Variants in PDK1 observed in about 807,000 individuals in gnomAD.
The protein encoded by PDK1 is [Pyruvate dehydrogenase (acetyl-transferring)] kinase isozyme 1, mitochondrial.
In PDK1, 39 loss-of-function variants were observed where a neutral mutation model predicts 54.2. That is an observed-to-expected ratio of 0.72 (90% CI 0.56 to 0.94). The LOEUF (loss-of-function observed/expected upper bound fraction) is 0.94. Ranked by LOEUF, PDK1 falls within the 40% of genes least tolerant of loss-of-function variation. The pLI is 0.00. For missense variants in PDK1, 552 were observed against 566.0 expected (o/e 0.98, Z 0.25); for synonymous variants, 221 against 207.1 (o/e 1.07, Z -0.58).
chr2:172,650,052 T>C, the PDK1 span, among the ~76,000 whole-genome samples: 50 of 152,122 alleles, frequency 3.3e-4, no homozygotes, highest in Non-Finnish European at 6.0e-4. Context: ...TCACCAAAGT[T>C]GAAATGAAGA....
At chr2:172,563,759 G>C (rs1460022508) in intron 3 of PDK1, among the ~76,000 whole-genome samples, 2 of 152,022 alleles carry the variant, frequency 1.3e-5, no homozygotes, top group Non-Finnish European at 2.9e-5. Flanking sequence ...ACTTGAACTC[G>C]GGAGGTGGAG....
the PDK1 span, among the ~76,000 whole-genome samples, chr2:172,643,680 A>G: frequency 6.6e-6 from 1 of 152,134 alleles, no homozygotes; most frequent in Non-Finnish European, 1.5e-5. Context: ...ATGGGCTGGA[A>G]TGTCCACATT....
chr2:172,623,121 G>A, the PDK1 span, among the ~76,000 whole-genome samples: 1 of 151,458 alleles, frequency 6.6e-6, no homozygotes, highest in Non-Finnish European at 1.5e-5. Context: ...CTGCACTCCA[G>A]CCTGGGTGAC....
At chr2:172,652,192 A>G in the PDK1 span, among the ~76,000 whole-genome samples, 1 of 152,246 alleles carries the variant, frequency 6.6e-6, no homozygotes, top group Non-Finnish European at 1.5e-5. Flanking sequence ...GTAATCCATC[A>G]TATAAACAGA....
the PDK1 span, among the ~76,000 whole-genome samples, chr2:172,701,648 G>GTTTTTTTTT: frequency 8.0e-6 from 1 of 124,868 alleles, no homozygotes; most frequent in Non-Finnish European, 1.7e-5. Flanking sequence ...TTTTTGTTTT[G>GTTTTTTTTT]TTTTTTTTTT....
At chr2:172,617,243 A>G in the PDK1 span, among the ~76,000 whole-genome samples, 1 of 152,116 alleles carries the variant, frequency 6.6e-6, no homozygotes, top group Non-Finnish European at 1.5e-5. Flanking sequence ...ATGAGCCACC[A>G]CGCCTGGCCA....
In PDK1 at chr2:172,596,056, CTTTA is replaced by C. The variant is rs1574541509; in HGVS notation, c.*93_*96del. On this transcript the variant is annotated 3_prime_UTR_variant, in exon 11 of 11. Coordinates refer to ENST00000282077, the MANE Select transcript of PDK1 (RefSeq NM_002610.5). ...GTTCAGAACTATATTATACCAAGTACTTTATTTATCGTTTTCACAAAACTATTTG... is the reference window on the plus strand; with the variant it reads ...GTTCAGAACTATATTATACCAAGTACTTTATCGTTTTCACAAAACTATTTG... The C allele has an allele frequency of 8.1e-6, 9 of 1,112,712 alleles. No homozygotes were observed. The highest frequency in any genetic ancestry group is 7.6e-5 in the South Asian group (4 of 52,642). The allele number at this position is 1,112,712 out of a possible 1,614,324, so 68.9% of individuals were successfully genotyped here. A position where few individuals can be genotyped will look rare whatever the true frequency, so the allele number is the denominator to read the frequency against.
chr2:172,561,178 T>C (rs955832511), intron 2 of PDK1, among the ~76,000 whole-genome samples: 1 of 152,220 alleles, frequency 6.6e-6, no homozygotes, highest in African/African-American at 2.4e-5. Context: ...AAAAAATTCT[T>C]CATTAGAAGT....
chr2:172,606,223 T>A lies in PDK1; in HGVS notation c.*10254T>A, dbSNP rs1691288116. On this transcript the variant is annotated 3_prime_UTR_variant, in exon 11 of 11. Transcript: ENST00000282077. Reference sequence around the variant, plus strand: ...GAGACCTGGGAAGTATTGATGAGAGTATAGTGATCATAAGCAGACATTGGG... The same window carrying A: ...GAGACCTGGGAAGTATTGATGAGAGAATAGTGATCATAAGCAGACATTGGG... 6.6e-6 allele frequency: 1 copy of A among 152,030 alleles called. No individual in the cohort carries two copies. Among genetic ancestry groups the A allele is most frequent in the Non-Finnish European group, 1.5e-5 (1 of 68,020 alleles). The allele number at this position is 152,030 out of a possible 1,614,324, so 9.4% of individuals were successfully genotyped here.
chr2:172,688,976 C>G, the PDK1 span, among the ~76,000 whole-genome samples: 515 of 152,280 alleles, frequency 3.4e-3, 3 homozygotes, highest in African/African-American at 0.011. Flanking sequence ...GGCCCGGACC[C>G]AAAGAGTGAG....
At chr2:172,689,146 T>A in the PDK1 span, among the ~76,000 whole-genome samples, 25 of 152,308 alleles carry the variant, frequency 1.6e-4, no homozygotes, top group African/African-American at 4.8e-4. Flanking sequence ...GAGCGCTGAT[T>A]GGTCCATTTT....
In PDK1 at chr2:172,596,138, G is replaced by A. The variant is rs1190073360; in HGVS notation, c.*169G>A. 2 of 535,816 alleles carry A rather than the reference G, an allele frequency of 3.7e-6. No homozygotes were observed. The highest frequency in any genetic ancestry group is 3.6e-5 in the South Asian group (1 of 27,962). 33.2% of individuals were successfully genotyped at this position (535,816 alleles called of 1,614,324 possible). On this transcript the variant is annotated 3_prime_UTR_variant, in exon 11 of 11. Coordinates refer to ENST00000282077, the MANE Select transcript of PDK1 (RefSeq NM_002610.5). ...TTTGTGCCCGTTAAACCTCCTAAAG[G>A]ATGAAATTGCACCTATTTTACACTT...
At chr2:172,562,815 A>G (rs767129871) in intron 3 of PDK1, 19 of 1,610,352 alleles carry the variant, frequency 1.2e-5, no homozygotes, top group Non-Finnish European at 1.6e-5. Flanking sequence ...GTAATATGAC[A>G]ATGTTAATAA....
At chr2:172,648,846 G>A in the PDK1 span, among the ~76,000 whole-genome samples, 4 of 152,202 alleles carry the variant, frequency 2.6e-5, no homozygotes, top group African/African-American at 9.6e-5. Flanking sequence ...AGCTCGAACT[G>A]GGTGAAGCCC....
At chr2:172,556,546 G>A (rs1681630261) in intron 1 of PDK1, 200 bp downstream of exon 1, 3 of 441,862 alleles carry the variant, frequency 6.8e-6, no homozygotes, top group Admixed American at 4.5e-5. Flanking sequence ...AATAACGGTG[G>A]GCGTGTGGCT....
the PDK1 span, among the ~76,000 whole-genome samples, chr2:172,622,682 ATG>A: frequency 7.9e-5 from 10 of 126,370 alleles, no homozygotes; most frequent in Admixed American, 2.3e-4. Context: ...CTCATATATT[ATG>A]TGAGATATGT....
chr2:172,587,450 A>G (rs1690304152), intron 9 of PDK1, among the ~76,000 whole-genome samples: 1 of 151,958 alleles, frequency 6.6e-6, no homozygotes, highest in Admixed American at 6.6e-5. Context: ...TGCAGCTCAT[A>G]AAGGTGGCAC....
At chr2:172,574,513 G>A (rs980174907) in intron 8 of PDK1, among the ~76,000 whole-genome samples, 2 of 152,136 alleles carry the variant, frequency 1.3e-5, no homozygotes, top group Non-Finnish European at 2.9e-5. Flanking sequence ...CCATCTTAGA[G>A]TTAACAATAT....
chr2:172,651,345 A>T, the PDK1 span, among the ~76,000 whole-genome samples: 2 of 152,244 alleles, frequency 1.3e-5, no homozygotes, highest in African/African-American at 4.8e-5. Flanking sequence ...GAAAATTTAT[A>T]GCACTAAATG....
Sources: allele counts gnomAD v4.1 joint callset (sites outside exome capture counted in the v4.1 genomes callset), GRCh38; gene constraint gnomAD v4.1.1; transcripts MANE v1.5; gene names NCBI Gene and HGNC (gene_info 2026-07-23, HGNC 2026-07-21).